The following ETV6 variants were observed in gnomAD, a reference collection of about 807,000 sequenced individuals.
The protein encoded by ETV6 is transcription factor ETV6.
Under a neutral mutation model 51.1 loss-of-function variants are expected in ETV6, and 16 were observed. The ratio of observed to expected loss-of-function variants is 0.31; its 90% CI spans 0.21 to 0.48. ETV6 has a LOEUF of 0.48. Ranked by LOEUF, ETV6 falls within the 20% of genes least tolerant of loss-of-function variation. ETV6 has a pLI of 0.99. For missense variants in ETV6, 458 were observed against 594.8 expected (o/e 0.77, Z 2.39); for synonymous variants, 240 against 224.1 (o/e 1.07, Z -0.64).
At chr12:11,878,338 G>A (rs1408821891) in intron 5 of ETV6, among the ~76,000 whole-genome samples, 1 of 152,332 alleles carries the variant, frequency 6.6e-6, no homozygotes, top group African/African-American at 2.4e-5. Context: ...GAAGGGGCTT[G>A]AGGAGACTGG....
intron 1 of ETV6, among the ~76,000 whole-genome samples, chr12:11,718,701 G>A (rs912757790): frequency 4.6e-5 from 7 of 151,984 alleles, no homozygotes; most frequent in Non-Finnish European, 7.4e-5. Context: ...TTTTAAGCCT[G>A]GGAGGCAGCC....
intron 5 of ETV6, among the ~76,000 whole-genome samples, chr12:11,877,721 G>A (rs894006563): frequency 1.3e-5 from 2 of 152,150 alleles, no homozygotes; most frequent in Non-Finnish European, 2.9e-5. Context: ...CTTGGACTGC[G>A]AAGTCAGCAT....
chr12:11,780,599 C>T (rs1199490922), intron 2 of ETV6, among the ~76,000 whole-genome samples: 2 of 152,188 alleles, frequency 1.3e-5, no homozygotes, highest in East Asian at 1.9e-4. Context: ...CACCACAGCT[C>T]GGCTGCCAGT....
intron 1 of ETV6, among the ~76,000 whole-genome samples, chr12:11,728,443 G>C (rs186925246): frequency 1.3e-5 from 2 of 151,304 alleles, no homozygotes; most frequent in East Asian, 1.9e-4. Flanking sequence ...TTAGATTCTC[G>C]TAAGAGCACG....
At chr12:11,806,437 GCTAA>G (rs916486784) in intron 2 of ETV6, among the ~76,000 whole-genome samples, 11 of 152,218 alleles carry the variant, frequency 7.2e-5, no homozygotes, top group Non-Finnish European at 1.6e-4. Context: ...CTGCATGAAG[GCTAA>G]CTGAGAAGCT....
chr12:11,765,890 T>G (rs113839678), intron 2 of ETV6, among the ~76,000 whole-genome samples: 2 of 152,186 alleles, frequency 1.3e-5, no homozygotes, highest in African/African-American at 4.8e-5. Flanking sequence ...CGAGAGTAGG[T>G]ACCTTGTGCT....
At chr12:11,730,019 G>T (rs1591636182) in intron 1 of ETV6, among the ~76,000 whole-genome samples, 1 of 152,256 alleles carries the variant, frequency 6.6e-6, no homozygotes, top group East Asian at 1.9e-4. Context: ...GTTACTGGGG[G>T]ATTTTTCTGT....
At chr12:11,843,256 G>T (rs1946415930) in intron 3 of ETV6, among the ~76,000 whole-genome samples, 1 of 152,172 alleles carries the variant, frequency 6.6e-6, no homozygotes, top group South Asian at 2.1e-4. Context: ...AGCAAGAGGG[G>T]GAAGGCCACA....
intron 1 of ETV6, among the ~76,000 whole-genome samples, chr12:11,691,665 A>C (rs542200271): frequency 6.6e-6 from 1 of 152,216 alleles, no homozygotes; most frequent in East Asian, 1.9e-4. Context: ...ATTGCTATGC[A>C]TCACGGTAGT....
At chr12:11,806,547 A>C (rs913222749) in intron 2 of ETV6, among the ~76,000 whole-genome samples, 25 of 152,228 alleles carry the variant, frequency 1.6e-4, no homozygotes, top group African/African-American at 6.0e-4. Context: ...AGGTAAATGC[A>C]TTGATGATGA....
intron 1 of ETV6, among the ~76,000 whole-genome samples, chr12:11,687,865 T>C (rs1296953853): frequency 6.6e-6 from 1 of 152,222 alleles, no homozygotes; most frequent in Admixed American, 6.5e-5. Flanking sequence ...AGAGAAAGTT[T>C]GCTGTGAACT....
chr12:11,798,788 G>C (rs751054699), intron 2 of ETV6, among the ~76,000 whole-genome samples: 17 of 152,216 alleles, frequency 1.1e-4, no homozygotes, highest in Admixed American at 7.2e-4. Context: ...CTGTGTGAGT[G>C]GTATTTACAT....
At chr12:11,881,189 C>A (rs1412045203) in intron 5 of ETV6, among the ~76,000 whole-genome samples, 1 of 152,110 alleles carries the variant, frequency 6.6e-6, no homozygotes, top group Non-Finnish European at 1.5e-5. Flanking sequence ...AGTCTACTGC[C>A]CCTGCCTCCC....
At chr12:11,766,925 T>C (rs932134513) in intron 2 of ETV6, among the ~76,000 whole-genome samples, 3 of 152,244 alleles carry the variant, frequency 2.0e-5, no homozygotes. Context: ...ACGATATTCT[T>C]GTACCTGAAC....
At chr12:11,743,360 A>C (rs1348880624) in intron 1 of ETV6, among the ~76,000 whole-genome samples, 1 of 152,182 alleles carries the variant, frequency 6.6e-6, no homozygotes, top group African/African-American at 2.4e-5. Context: ...TTTATTTCGG[A>C]GCCTGAAGTG....
chr12:11,785,003 G>C (rs1184195123), intron 2 of ETV6, among the ~76,000 whole-genome samples: 1 of 151,242 alleles, frequency 6.6e-6, no homozygotes, highest in Admixed American at 6.6e-5. Context: ...CACTGCGCCT[G>C]GCCGGGACTT....
chr12:11,883,334 C>T (rs1431520430), intron 5 of ETV6, among the ~76,000 whole-genome samples: 3 of 119,678 alleles, frequency 2.5e-5, no homozygotes, highest in African/African-American at 3.4e-5. Context: ...CACTTTGTCA[C>T]CGAGGCTGGA....
At chr12:11,757,913 A>C (rs182654470) in intron 2 of ETV6, among the ~76,000 whole-genome samples, 1 of 152,216 alleles carries the variant, frequency 6.6e-6, no homozygotes, top group African/African-American at 2.4e-5. Flanking sequence ...GGTTTTGTTC[A>C]CCAGTCCTGC....
chr12:11,702,337 G>A (rs530185387), intron 1 of ETV6, among the ~76,000 whole-genome samples: 2 of 152,252 alleles, frequency 1.3e-5, no homozygotes, highest in African/African-American at 4.8e-5. Flanking sequence ...TTAGAGGTCT[G>A]TTTTTAGAAC....
Sources: gnomAD v4.1 joint callset for allele counts (sites outside exome capture counted in the v4.1 genomes callset) on GRCh38, gnomAD v4.1.1 for gene constraint, MANE v1.5 for transcripts, NCBI Gene and HGNC (gene_info 2026-07-23, HGNC 2026-07-21) for gene names.